The following DNAH7 variants were observed in gnomAD, a reference collection of about 807,000 sequenced individuals.
DNAH7 encodes the protein axonemal beta dynein heavy chain 7.
In DNAH7, 397 loss-of-function variants were observed where a neutral mutation model predicts 444.6. The observed-to-expected ratio is 0.89, with a 90% CI of 0.82 to 0.97. The LOEUF (loss-of-function observed/expected upper bound fraction) is 0.97, where lower values mean the gene tolerates loss of function less well. Among genes scored for constraint, DNAH7 ranks in the 50% least tolerant of loss-of-function variants. The probability of loss-of-function intolerance (pLI) is 0.00; values close to 1 mark genes in which losing one functional copy is unlikely to be tolerated. For synonymous variants in DNAH7, 1,636 were observed against 1,624.4 expected, an observed-to-expected ratio of 1.01 and a Z score of -0.17; for missense variants, 4,902 against 4,800.8, an observed-to-expected ratio of 1.02 and a Z score of -0.62.
intron 5 of DNAH7, among the ~76,000 whole-genome samples, chr2:196,036,027 CTTTTT>C (rs750452521): frequency 7.7e-6 from 1 of 129,514 alleles, no homozygotes; most frequent in Non-Finnish European, 1.6e-5. Flanking sequence ...TCTCCACATT[CTTTTT>C]TTTTTTTTTT....
chr2:196,042,905 T>A (rs940217133), intron 5 of DNAH7, among the ~76,000 whole-genome samples: 2 of 152,148 alleles, frequency 1.3e-5, no homozygotes, highest in Non-Finnish European at 2.9e-5. Context: ...AATGTTCACA[T>A]CAGCATCATT....
chr2:195,868,079 TATTATTC>T (rs1471212081), intron 40 of DNAH7, among the ~76,000 whole-genome samples: 1 of 150,968 alleles, frequency 6.6e-6, no homozygotes, highest in East Asian at 1.9e-4. Flanking sequence ...AACACTGTTC[TATTATTC>T]ATCTTTTTTT....
At chr2:195,787,354 T>C (rs1416930840) in intron 57 of DNAH7, among the ~76,000 whole-genome samples, 183 bp from the exon 58 acceptor site, 1 of 152,226 alleles carries the variant, frequency 6.6e-6, no homozygotes, top group African/African-American at 2.4e-5. Flanking sequence ...AGTATGTCCG[T>C]CTGTGTATAT....
chr2:195,875,627 G>A, intron 38 of DNAH7, 48 bp downstream of exon 38: 2 of 1,507,794 alleles, frequency 1.3e-6, no homozygotes, highest in Non-Finnish European at 1.8e-6. Context: ...TTTAGCTATT[G>A]CTAGGGAGAT....
intron 60 of DNAH7, among the ~76,000 whole-genome samples, chr2:195,775,054 C>CAA (rs1407028832): frequency 6.6e-6 from 1 of 152,098 alleles, no homozygotes; most frequent in Non-Finnish European, 1.5e-5. Flanking sequence ...TAGTTAAATA[C>CAA]AAAGTCTTGT....
intron 47 of DNAH7, among the ~76,000 whole-genome samples, chr2:195,835,485 G>A (rs1017758115): frequency 5.3e-5 from 8 of 151,920 alleles, no homozygotes; most frequent in African/African-American, 1.9e-4. Context: ...AACGTCAATG[G>A]ATGACTTGTC....
chr2:196,003,050 AATAATAAAGGCAATGTGTC>A (rs1024075721), intron 10 of DNAH7, among the ~76,000 whole-genome samples: 1 of 151,798 alleles, frequency 6.6e-6, no homozygotes, highest in Non-Finnish European at 1.5e-5. Flanking sequence ...TTTCTCTCAT[AATAATAAAGGCAATGTGTC>A]ATAAAAGAAA....
At chr2:195,836,868 T>C (rs1272445277) in intron 47 of DNAH7, among the ~76,000 whole-genome samples, 1 of 152,188 alleles carries the variant, frequency 6.6e-6, no homozygotes, top group Non-Finnish European at 1.5e-5. Context: ...ACAATACCTA[T>C]GTTCATCCTG....
chr2:195,760,001 C>G lies in DNAH7; in HGVS notation c.11434-3716G>C, dbSNP rs562071997. Among the ~76,000 whole-genome samples the G allele has an allele frequency of 4.6e-5, 7 of 152,238 alleles. No individual in the cohort carries two copies. The East Asian group carries it at 1.2e-3, about 25-fold the overall frequency. On this transcript the variant is annotated intron_variant, in intron 61 of 64. Transcript: ENST00000312428. ...TCTAACCAAATTTTAATAGAAAAAT[C>G]TTCTTAATCAATACTTGGCTACTTG...
intron 24 of DNAH7, among the ~76,000 whole-genome samples, chr2:195,911,919 G>T (rs1687382369): frequency 6.6e-6 from 1 of 152,090 alleles, no homozygotes; most frequent in South Asian, 2.1e-4. Flanking sequence ...TAAAGAAAAT[G>T]ATAAAAATTT....
chr2:195,971,967 T>C (rs573794814), intron 16 of DNAH7, among the ~76,000 whole-genome samples: 1 of 152,144 alleles, frequency 6.6e-6, no homozygotes, highest in Admixed American at 6.5e-5. Flanking sequence ...CTATCACCTA[T>C]GCATGATATA....
intron 9 of DNAH7, among the ~76,000 whole-genome samples, chr2:196,017,163 C>T (rs1695080073): frequency 6.6e-6 from 1 of 151,920 alleles, no homozygotes; most frequent in Non-Finnish European, 1.5e-5. Flanking sequence ...TACAGGCGCC[C>T]ACCACCACAC....
chr2:195,831,643 T>C (rs546432281), intron 48 of DNAH7, among the ~76,000 whole-genome samples: 107 of 152,360 alleles, frequency 7.0e-4, no homozygotes, highest in African/African-American at 2.4e-3. Context: ...TTAGAAAGCA[T>C]TGTAAATAAT....
chr2:195,941,195 T>TA (rs1689412050), intron 19 of DNAH7, among the ~76,000 whole-genome samples: 1 of 151,940 alleles, frequency 6.6e-6, no homozygotes, highest in Admixed American at 6.6e-5. Context: ...TGCAGCCATT[T>TA]AAAAAATGAG....
chr2:195,966,513 G>A (rs1574905929), intron 17 of DNAH7, among the ~76,000 whole-genome samples: 2 of 150,652 alleles, frequency 1.3e-5, no homozygotes, highest in South Asian at 2.1e-4. Context: ...TTGGTTTTCT[G>A]TCAGGGACAT....
intron 35 of DNAH7, among the ~76,000 whole-genome samples, chr2:195,882,997 AT>A (rs1273726687): frequency 1.3e-5 from 2 of 151,806 alleles, no homozygotes; most frequent in Admixed American, 6.6e-5. Context: ...ACAGCAGAGA[AT>A]TTTTTTTTCG....
intron 30 of DNAH7, chr2:195,894,588 T>C (rs1702198603): frequency 6.2e-6 from 1 of 160,534 alleles, no homozygotes; most frequent in Non-Finnish European, 1.4e-5. Context: ...TATGCACATA[T>C]ACACATTTCA....
chr2:195,963,593 T>C (rs998851035), intron 17 of DNAH7, among the ~76,000 whole-genome samples: 2 of 152,232 alleles, frequency 1.3e-5, no homozygotes, highest in Non-Finnish European at 2.9e-5. Context: ...TTTCCTTTGT[T>C]GTGCAGAAGT....
chr2:195,988,279 A>G (rs762169195), intron 12 of DNAH7, 50 bp from the exon 13 acceptor site: 4 of 1,425,002 alleles, frequency 2.8e-6, no homozygotes, highest in Non-Finnish European at 3.8e-6. Flanking sequence ...TAAAGTAACT[A>G]TATCATTTAT....
Sources: allele counts gnomAD v4.1 joint callset (sites outside exome capture counted in the v4.1 genomes callset), GRCh38; gene constraint gnomAD v4.1.1; transcripts MANE v1.5; gene names NCBI Gene and HGNC (gene_info 2026-07-23, HGNC 2026-07-21).